The following ZNF264 variants were observed in gnomAD, a reference collection of about 807,000 sequenced individuals.
The protein encoded by ZNF264 is zinc finger protein 264.
Under a neutral mutation model 11.2 loss-of-function variants are expected in ZNF264, and 11 were observed. The ratio of observed to expected loss-of-function variants is 0.98; its 90% CI spans 0.62 to 1.63. The LOEUF is 1.63. Among genes scored for constraint, ZNF264 ranks in the 40% most tolerant of loss-of-function variants. The pLI, the probability that ZNF264 is intolerant of heterozygous loss-of-function variation, is 0.00. For synonymous variants in ZNF264, 309 were observed against 279.8 expected, an observed-to-expected ratio of 1.10 and a Z score of -1.04; for missense variants, 752 against 768.1, an observed-to-expected ratio of 0.98 and a Z score of 0.25.
intron 2 of ZNF264, among the ~76,000 whole-genome samples, chr19:57,195,792 G>T (rs1348907289): frequency 1.3e-5 from 2 of 151,840 alleles, no homozygotes; most frequent in Non-Finnish European, 2.9e-5. Context: ...AAGTGTCCAG[G>T]TGGCAATCTT....
intron 2 of ZNF264, among the ~76,000 whole-genome samples, chr19:57,202,076 G>T (rs1568473624): frequency 6.6e-6 from 1 of 151,796 alleles, no homozygotes; most frequent in Non-Finnish European, 1.5e-5. Flanking sequence ...GGGCGTGGTG[G>T]CACATGCCTG....
At chr19:57,207,781 CA>C (rs1391454569) in intron 3 of ZNF264, among the ~76,000 whole-genome samples, 2 of 151,178 alleles carry the variant, frequency 1.3e-5, no homozygotes, top group African/African-American at 4.9e-5. Flanking sequence ...GGCGGGAGTA[CA>C]ATGGCGCAAT....
chr19:57,195,767 G>A (rs1415572578), intron 2 of ZNF264, among the ~76,000 whole-genome samples: 1 of 151,826 alleles, frequency 6.6e-6, no homozygotes, highest in Admixed American at 6.6e-5. Flanking sequence ...TTGACTTAAA[G>A]GTAGGAGGAG....
Position 57,211,621 on chromosome 19 carries a change from A to G in ZNF264, c.524A>G (p.Gln175Arg). The G allele has an allele frequency of 1.2e-6, 2 of 1,614,162 alleles. No homozygotes were observed. The highest frequency in any genetic ancestry group is 1.7e-6 in the Non-Finnish European group (2 of 1,180,004). Residue 175 changes from glutamine to arginine, a missense_variant, in exon 4 of 4, where the codon CAA (glutamine) becomes CGA (arginine). Physicochemically the swap from Gln to Arg is conservative, Grantham distance 43. Coordinates refer to ENST00000263095, the MANE Select transcript of ZNF264 (RefSeq NM_003417.5). ...GTGTGTTCAAGGATTGGACAGGAGC[A>G]AGTCTCTCCAGGAGATAGAGTCCGT... ...DGVCSRIGQE[Q>R]VSPGDRVRSH...
At chr19:57,206,440 C>T (rs972512712) in intron 3 of ZNF264, among the ~76,000 whole-genome samples, 7 of 151,472 alleles carry the variant, frequency 4.6e-5, no homozygotes, top group African/African-American at 1.5e-4. Flanking sequence ...TTAGTAGAGA[C>T]GGGGTTTCAC....
rs1286990160 is a variant in ZNF264 at position 57,213,143 on chromosome 19, T to G, written c.*162T>G. On this transcript the variant is annotated 3_prime_UTR_variant, in exon 4 of 4. Transcript: ENST00000263095. ...TTCAGCTGCATCTTTCTCCTTAGTT[T>G]ACAGTGCAATTTTATCTCAGGAATT... 1.7e-6 allele frequency: 1 copy of G among 598,688 alleles called. No homozygotes were observed. Among genetic ancestry groups the G allele is most frequent in the Admixed American group, 3.3e-5 (1 of 29,892 alleles). The allele number at this position is 598,688 out of a possible 1,614,324, so 37.1% of individuals were successfully genotyped here.
intron 2 of ZNF264, among the ~76,000 whole-genome samples, chr19:57,199,356 G>T (rs956246749): frequency 3.3e-5 from 5 of 151,784 alleles, no homozygotes; most frequent in Admixed American, 6.6e-5. Context: ...CCTCCCAGCT[G>T]GGATGAGTAG....
In ZNF264 at chr19:57,204,693, C is replaced by T. The variant is rs895461520; in HGVS notation, c.161-704C>T. Among the ~76,000 whole-genome samples, 5 of 152,248 alleles carry T rather than the reference C, an allele frequency of 3.3e-5. No individual in the cohort carries two copies. In the South Asian group the frequency reaches 6.2e-4, roughly 19 times the overall value. The stretch of plus-strand genomic sequence containing the variant: ...TGAGAACAGACTAATAAAGTTATTA[C>T]GTGAAAAGGGCTCAAAACAGCACCT... On this transcript the variant is annotated intron_variant, in intron 2 of 3. Transcript: ENST00000263095.
In ZNF264 at chr19:57,222,747, G is replaced by C. The variant is rs890122199; in HGVS notation, c.*9766G>C. ...CCTTTTGTTGCTGCTTTTGAAACTA[G>C]TTCATGGCTTCAGTGGGGGAGAGAT... On this transcript the variant is annotated 3_prime_UTR_variant, in exon 4 of 4. Coordinates refer to ENST00000263095, the MANE Select transcript of ZNF264 (RefSeq NM_003417.5). 1.3e-5 allele frequency: 2 copies of C among 152,244 alleles called. No homozygotes were observed. The highest frequency in any genetic ancestry group is 4.8e-5 in the African/African-American group (2 of 41,532). 9.4% of individuals were successfully genotyped at this position (152,244 alleles called of 1,614,324 possible). A position where few individuals can be genotyped will look rare whatever the true frequency, so the allele number is the denominator to read the frequency against.
chr19:57,212,691 A>G lies in ZNF264; in HGVS notation c.1594A>G (p.Ile532Val). ...CACAAACCTCATTCGACATGCCATT[A>G]TCCACACTGGAGAGAAGCCCTATAA... ...WSTNLIRHAIIHTGEKPYKCS... is the reference protein window; with the variant it reads ...WSTNLIRHAIVHTGEKPYKCS... Residue 532 changes from isoleucine (I) to valine (V), a missense_variant, in exon 4 of 4, where the codon ATC becomes GTC. Ile to Val is a conservative substitution (Grantham distance 29, BLOSUM62 3). Transcript: ENST00000263095. The G allele has an allele frequency of 6.2e-7, 1 of 1,614,180 alleles. No homozygotes were observed. Among genetic ancestry groups the G allele is most frequent in the Non-Finnish European group, 8.5e-7 (1 of 1,180,026 alleles).
Position 57,212,687 on chromosome 19 carries a change from C to T in ZNF264, c.1590C>T (p.Ala530=). The T allele has an allele frequency of 1.2e-6, 2 of 1,613,160 alleles. No individual in the cohort carries two copies. The highest frequency in any genetic ancestry group is 2.2e-5 in the East Asian group (1 of 44,740). ...GGAGCACAAACCTCATTCGACATGC[C>T]ATTATCCACACTGGAGAGAAGCCCT... is the stretch of plus-strand genomic sequence containing the variant. ...FCWSTNLIRH[A]IIHTGEKPYK... is the part of the protein sequence containing the mutation. Residue 530 remains alanine, a synonymous_variant, in exon 4 of 4, where the codon GCC becomes GCT. Transcript: ENST00000263095.
At chr19:57,206,295 G>T (rs775453062) in intron 3 of ZNF264, among the ~76,000 whole-genome samples, 6 of 152,110 alleles carry the variant, frequency 3.9e-5, no homozygotes, top group Non-Finnish European at 8.8e-5. Context: ...CCAGGCTGGA[G>T]TGCAGTGGCA....
At chr19:57,198,517 G>T (rs11666582) in intron 2 of ZNF264, among the ~76,000 whole-genome samples, 6,949 of 151,912 alleles carry the variant, frequency 0.046, 224 homozygotes, top group South Asian at 0.059. Context: ...CAGTGTGGGG[G>T]TTCTGCCAGC....
chr19:57,192,489 G>A, intron 1 of ZNF264: 1 of 985,324 alleles, frequency 1.0e-6, no homozygotes, highest in Non-Finnish European at 1.2e-6. Context: ...ATCCTTGGCC[G>A]CTCGTGTTCC....
At chr19:57,206,389 G>A (rs376046716) in intron 3 of ZNF264, among the ~76,000 whole-genome samples, 2 of 150,734 alleles carry the variant, frequency 1.3e-5, no homozygotes, top group African/African-American at 4.9e-5. Flanking sequence ...GACTACAGGC[G>A]CCCGCCACCA....
intron 2 of ZNF264, among the ~76,000 whole-genome samples, chr19:57,194,608 A>G (rs2087198847): frequency 6.6e-6 from 1 of 152,222 alleles, no homozygotes; most frequent in South Asian, 2.1e-4. Context: ...CATGGGAGAA[A>G]GATGTAGGCT....
At chr19:57,207,132 C>T (rs2087298703) in intron 3 of ZNF264, among the ~76,000 whole-genome samples, 2 of 150,188 alleles carry the variant, frequency 1.3e-5, no homozygotes, top group South Asian at 4.3e-4. Flanking sequence ...CTTGCTCACT[C>T]CTGCCACCTC....
rs140848664 is a variant in ZNF264 at position 57,212,894 on chromosome 19, T to G, written c.1797T>G (p.Thr599=). ...LLGKDFLNVT[T]EANILPEETS... ...GGAAGGACTTTTTGAATGTAACCAC[T>G]GAGGCAAATATTTTGCCAGAGGAAA... Residue 599 remains threonine (T), a synonymous_variant, in exon 4 of 4, where the codon ACT becomes ACG. Coordinates refer to ENST00000263095, the MANE Select transcript of ZNF264 (RefSeq NM_003417.5). The G allele has an allele frequency of 1.3e-4, 210 of 1,614,226 alleles. 2 individuals are homozygous for G. The African/African-American group carries it at 1.9e-3, about 14-fold the overall frequency.
Position 57,198,603 on chromosome 19 carries a change from G to T in ZNF264, c.160+4602G>T, listed in dbSNP as rs560526914. ...ACAGGTTGAGTCTGGGGACCCACTG[G>T]ACCCACTGTAAGTCAGGCCTGAGCT... On this transcript the variant is annotated intron_variant, in intron 2 of 3. Coordinates refer to ENST00000263095, the MANE Select transcript of ZNF264 (RefSeq NM_003417.5). Among the ~76,000 whole-genome samples, 42 of 151,808 alleles carry T rather than the reference G, an allele frequency of 2.8e-4. 1 individual carries two copies. The highest frequency in any genetic ancestry group is 9.7e-4 in the African/African-American group (40 of 41,166).
Sources: gnomAD v4.1 joint callset for allele counts (sites outside exome capture counted in the v4.1 genomes callset) on GRCh38, gnomAD v4.1.1 for gene constraint, MANE v1.5 for transcripts, NCBI Gene and HGNC (gene_info 2026-07-23, HGNC 2026-07-21) for gene names.